MIOS: variants seen among roughly 807,000 people sequenced by gnomAD.
MIOS encodes the protein meiosis regulator for oocyte development.
A neutral mutation model predicts 96.9 loss-of-function variants in MIOS; 52 were observed. The observed-to-expected ratio is 0.54, with a 90% confidence interval of 0.43 to 0.68. The LOEUF is 0.68. Ranked by LOEUF, MIOS falls within the 30% of genes least tolerant of loss-of-function variation. MIOS has a pLI of 0.00. For synonymous variants in MIOS, 397 were observed against 359.5 expected (o/e 1.10, Z -1.18); for missense variants, 1,005 against 1,052.8 (o/e 0.95, Z 0.63).
Position 7,573,530 on chromosome 7 carries a change from T to G in MIOS, c.1055T>G (p.Val352Gly). Reference sequence around the variant, plus strand: ...AACCGAACAATGTCAGACTTCACTGTTTTTGAAAGGATATCTCTTGCCTGG... The same window carrying G: ...AACCGAACAATGTCAGACTTCACTGGTTTTGAAAGGATATCTCTTGCCTGG... Reference protein sequence around the residue: ...TPNRTMSDFTVFERISLAWSP... With the variant: ...TPNRTMSDFTGFERISLAWSP... The change falls in exon 4 of 13, where the codon GTT becomes GGT. Residue 352 changes from valine to glycine, a missense_variant. This residue lies in a region of MIOS where 865 missense variants were observed against 887.9 expected (regional missense o/e 0.97). Transcript: ENST00000340080. This position sits in a 1 kb window ranked among gnomAD's most constrained non-coding sequence, Gnocchi z 5.0. The G allele has an allele frequency of 1.2e-6, 2 of 1,614,136 alleles. No homozygotes were observed. The highest frequency in any genetic ancestry group is 1.7e-6 in the Non-Finnish European group (2 of 1,179,958).
intron 11 of MIOS, 70 bp downstream of exon 11, chr7:7,596,531 A>C: frequency 1.4e-6 from 2 of 1,404,652 alleles, no homozygotes; most frequent in Non-Finnish European, 2.0e-6. Flanking sequence ...TAATGTTGCA[A>C]ATAAAATACA....
intron 3 of MIOS, among the ~76,000 whole-genome samples, chr7:7,568,425 A>G (rs906154451): frequency 7.2e-5 from 11 of 152,250 alleles, no homozygotes; most frequent in African/African-American, 2.6e-4. Context: ...TTTACACCAG[A>G]TTCTTGGTGA....
intron 9 of MIOS, among the ~76,000 whole-genome samples, chr7:7,594,155 T>G (rs1784134116): frequency 6.6e-6 from 1 of 152,148 alleles, no homozygotes; most frequent in African/African-American, 2.4e-5. Flanking sequence ...GAAATGTATG[T>G]TTTAATTGAA....
At chr7:7,585,126 C>G (rs987465747) in intron 6 of MIOS, among the ~76,000 whole-genome samples, 3 of 152,088 alleles carry the variant, frequency 2.0e-5, no homozygotes, top group Non-Finnish European at 4.4e-5. Flanking sequence ...GCAATATTTA[C>G]TATAAGTGTT....
intron 5 of MIOS, among the ~76,000 whole-genome samples, chr7:7,581,045 G>T (rs1054279496): frequency 1.3e-5 from 2 of 150,680 alleles, no homozygotes; most frequent in African/African-American, 4.9e-5. Flanking sequence ...AAATAGGCCG[G>T]GCACGGTGGC....
At chr7:7,605,871 A>G in intron 11 of MIOS, 71 bp from the exon 12 acceptor site, 1 of 1,428,420 alleles carries the variant, frequency 7.0e-7, no homozygotes. Flanking sequence ...AGTTTTAGAA[A>G]TGCTTTTTGA....
intron 3 of MIOS, among the ~76,000 whole-genome samples, chr7:7,571,675 A>G (rs903036947): frequency 6.6e-6 from 1 of 151,202 alleles, no homozygotes; most frequent in Admixed American, 6.6e-5. Flanking sequence ...GTAGATGAGA[A>G]AACAAAGGGG....
intron 9 of MIOS, among the ~76,000 whole-genome samples, chr7:7,592,785 TG>T (rs1416627290): frequency 2.0e-5 from 3 of 152,100 alleles, no homozygotes; most frequent in Non-Finnish European, 4.4e-5. Flanking sequence ...ATGTGAGGGA[TG>T]GGGAGCAGCC....
chr7:7,594,538 G>A (rs1003004111), intron 9 of MIOS, among the ~76,000 whole-genome samples: 6 of 152,050 alleles, frequency 3.9e-5, no homozygotes, highest in Non-Finnish European at 8.8e-5. Context: ...CAAGTGATCC[G>A]CCTACCTCGG....
chr7:7,593,102 T>G (rs529300109), intron 9 of MIOS, among the ~76,000 whole-genome samples: 45 of 152,354 alleles, frequency 3.0e-4, no homozygotes, highest in South Asian at 1.2e-3. Flanking sequence ...TTACTTAGTT[T>G]ATCCCCTTCT....
Position 7,588,495 on chromosome 7 carries a change from C to T in MIOS, c.1819-3C>T. On this transcript the variant is annotated splice_polypyrimidine_tract_variant and splice_region_variant and intron_variant, in intron 7 of 12. Transcript: ENST00000340080. ...AACTCCTTGCTTTTTCTCTTCTTTC[C>T]AGTATGAAAACAAAGTTGCAGTACG... 2 of 1,567,774 alleles carry T rather than the reference C, an allele frequency of 1.3e-6. No homozygotes were observed. Among genetic ancestry groups the T allele is most frequent in the Admixed American group, 1.8e-5 (1 of 56,968 alleles).
At chr7:7,604,592 A>G (rs1054839722) in intron 11 of MIOS, among the ~76,000 whole-genome samples, 9 of 152,126 alleles carry the variant, frequency 5.9e-5, no homozygotes, top group Non-Finnish European at 8.8e-5. Context: ...GGTTTCCTTC[A>G]TTTTCTTCTT....
At chr7:7,581,248 C>A (rs1583633998) in intron 5 of MIOS, among the ~76,000 whole-genome samples, 1 of 151,198 alleles carries the variant, frequency 6.6e-6, no homozygotes, top group South Asian at 2.1e-4. Flanking sequence ...TTGCAGTGAG[C>A]TGAGATCGTG....
chr7:7,603,574 G>C (rs144438145), intron 11 of MIOS, among the ~76,000 whole-genome samples: 15,373 of 152,232 alleles, frequency 0.1, 853 homozygotes, highest in Middle Eastern at 0.23. Flanking sequence ...AGGTGTTGGA[G>C]AGGATGTGAA....
intron 11 of MIOS, among the ~76,000 whole-genome samples, chr7:7,597,251 G>A (rs527914400): frequency 7.9e-5 from 12 of 151,148 alleles, no homozygotes; most frequent in Admixed American, 2.0e-4. Flanking sequence ...GCTTGAACCC[G>A]GGAGGCAGAG....
At position 7,588,559 on chromosome 7, in the gene MIOS, C is replaced by G; in HGVS notation, c.1880C>G (p.Thr627Ser). 2 of 1,584,440 alleles carry G rather than the reference C, an allele frequency of 1.3e-6. No individual in the cohort carries two copies. The highest frequency in any genetic ancestry group is 8.6e-7 in the Non-Finnish European group (1 of 1,162,584). ...VAFACKFLSD[T>S]QLNRYIEKLT... ...TTTGCTTGTAAATTCCTTAGTGATACTCAGGTGAAAACTGATTTAATTCCA... is the reference window on the plus strand; with the variant it reads ...TTTGCTTGTAAATTCCTTAGTGATAGTCAGGTGAAAACTGATTTAATTCCA... The change falls in exon 8 of 13, where the codon ACT becomes AGT. Residue 627 changes from threonine (T) to serine (S), a missense_variant. Transcript: ENST00000340080.
chr7:7,588,487 C>T lies in MIOS; in HGVS notation c.1819-11C>T, dbSNP rs908917007. On this transcript the variant is annotated splice_polypyrimidine_tract_variant and intron_variant, in intron 7 of 12. Transcript: ENST00000340080. ...CTAGAAGTAACTCCTTGCTTTTTCT[C>T]TTCTTTCCAGTATGAAAACAAAGTT... 6 of 1,561,196 alleles carry T rather than the reference C, an allele frequency of 3.8e-6. No homozygotes were observed. In the African/African-American group the frequency reaches 4.1e-5, roughly 11 times the overall value.
intron 11 of MIOS, among the ~76,000 whole-genome samples, chr7:7,599,997 T>C (rs955508992): frequency 4.6e-5 from 7 of 151,930 alleles, no homozygotes; most frequent in African/African-American, 1.7e-4. Flanking sequence ...AAAGAAGGAA[T>C]AACAGACACC....
Position 7,606,125 on chromosome 7 carries a change from A to G in MIOS, c.2531+54A>G, listed in dbSNP as rs201739456. 305 of 1,590,332 alleles carry G rather than the reference A, an allele frequency of 1.9e-4. 1 individual carries two copies. The highest frequency in any genetic ancestry group is 6.7e-4 in the Middle Eastern group (4 of 5,976). ...CTTGGAGTTATGGGGGATAACACAG[A>G]TTGCTTCTAAATAGTTTGGGTTTAT... On this transcript the variant is annotated intron_variant, in intron 12 of 12. Transcript: ENST00000340080.
Sources: gnomAD v4.1 joint callset for allele counts (sites outside exome capture counted in the v4.1 genomes callset) on GRCh38, gnomAD v4.1.1 for gene constraint, gnomAD v4.1.1 regional missense constraint, Gnocchi (gnomAD v3.1) non-coding constraint, MANE v1.5 for transcripts, NCBI Gene and HGNC (gene_info 2026-07-23, HGNC 2026-07-21) for gene names.